PPP2R2D: variants seen among roughly 807,000 people sequenced by gnomAD.
The protein encoded by PPP2R2D is serine/threonine-protein phosphatase 2A 55 kDa regulatory subunit B delta isoform.
In PPP2R2D, 9 loss-of-function variants were observed where a neutral mutation model predicts 31.1. The observed-to-expected ratio is 0.29, with a 90% confidence interval of 0.17 to 0.51. PPP2R2D has a LOEUF of 0.51. Ranked by LOEUF, PPP2R2D falls within the 20% of genes least tolerant of loss-of-function variation. The pLI is 0.98. For synonymous variants in PPP2R2D, 179 were observed against 172.6 expected, an observed-to-expected ratio of 1.04 and a Z score of -0.29; for missense variants, 391 against 465.6, an observed-to-expected ratio of 0.84 and a Z score of 1.48.
At chr10:131,903,326 G>A (rs2035531461) in intron 2 of PPP2R2D, among the ~76,000 whole-genome samples, 1 of 152,026 alleles carries the variant, frequency 6.6e-6, no homozygotes, top group Non-Finnish European at 1.5e-5. Context: ...AGTTAGCCGG[G>A]CGTGGTGGCA....
At chr10:131,929,893 C>A (rs1332400404) in intron 2 of PPP2R2D, among the ~76,000 whole-genome samples, 1 of 152,194 alleles carries the variant, frequency 6.6e-6, no homozygotes, top group African/African-American at 2.4e-5. Context: ...TCCTCTCTTG[C>A]CACCTGAGGC....
rs1481244075 is a variant in PPP2R2D at position 131,956,383 on chromosome 10, C to T, written c.*420C>T. On this transcript the variant is annotated 3_prime_UTR_variant, in exon 9 of 9. Coordinates refer to ENST00000455566, the MANE Select transcript of PPP2R2D (RefSeq NM_018461.5). Reference sequence around the variant, plus strand: ...CTTCACTGCAGCGTGGTGTGGCCACCGTCCGTGTCCTCTCGGCCTTCCTCC... The same window carrying T: ...CTTCACTGCAGCGTGGTGTGGCCACTGTCCGTGTCCTCTCGGCCTTCCTCC... The T allele has an allele frequency of 8.1e-6, 8 of 986,472 alleles. No individual in the cohort carries two copies. Among genetic ancestry groups the T allele is most frequent in the East Asian group, 1.1e-4 (1 of 8,844 alleles). The allele number at this position is 986,472 out of a possible 1,614,324, so 61.1% of individuals were successfully genotyped here.
chr10:131,951,706 A>G (rs1204628916), intron 8 of PPP2R2D, among the ~76,000 whole-genome samples: 6 of 152,000 alleles, frequency 3.9e-5, no homozygotes, highest in African/African-American at 1.4e-4. Flanking sequence ...CTTTAATCCC[A>G]CCACTCAGGA....
chr10:131,935,456 TG>T (rs2036320863), intron 3 of PPP2R2D, among the ~76,000 whole-genome samples: 2 of 152,296 alleles, frequency 1.3e-5, no homozygotes, highest in Non-Finnish European at 2.9e-5. Context: ...TTCCCCTCTC[TG>T]CAGATCTGTA....
chr10:131,907,659 C>T (rs1318538533), intron 2 of PPP2R2D, among the ~76,000 whole-genome samples: 1 of 151,616 alleles, frequency 6.6e-6, no homozygotes, highest in African/African-American at 2.4e-5. Context: ...AGGAGAATGG[C>T]ATGAACCCAG....
intron 2 of PPP2R2D, among the ~76,000 whole-genome samples, chr10:131,922,961 A>C (rs1209574571): frequency 6.6e-6 from 1 of 152,102 alleles, no homozygotes; most frequent in Non-Finnish European, 1.5e-5. Context: ...CCTTTTAGTG[A>C]CTTGATCCAT....
chr10:131,913,231 A>G (rs1251174720), intron 2 of PPP2R2D, among the ~76,000 whole-genome samples: 3 of 142,708 alleles, frequency 2.1e-5, no homozygotes, highest in Middle Eastern at 7.4e-3. Flanking sequence ...GGGTTTCACC[A>G]TGTTGGCCAG....
rs2035492724 is a variant in PPP2R2D at position 131,901,434 on chromosome 10, G to T, written c.100+104G>T. 6 of 331,050 alleles carry T rather than the reference G, an allele frequency of 1.8e-5. No individual in the cohort carries two copies. The Admixed American group carries it at 2.0e-4, about 11-fold the overall frequency. 20.5% of individuals were successfully genotyped at this position (331,050 alleles called of 1,614,324 possible). ...AGCGTCCGTGGAAGGCAGGCAGGAG[G>T]ATGGGGGCCGGGCGGGGCAGGGGCC... is the stretch of plus-strand genomic sequence containing the variant. On this transcript the variant is annotated intron_variant, in intron 2 of 8. Coordinates refer to ENST00000455566, the MANE Select transcript of PPP2R2D (RefSeq NM_018461.5).
At chr10:131,920,137 A>AAT (rs2035948112) in intron 2 of PPP2R2D, among the ~76,000 whole-genome samples, 1 of 19,070 alleles carries the variant, frequency 5.2e-5, no homozygotes, top group Non-Finnish European at 8.9e-5. Context: ...GGAATTACAC[A>AAT]GTGTAGGGAC....
chr10:131,968,731 A>G, the PPP2R2D span: 1 of 566,488 alleles, frequency 1.8e-6, no homozygotes, highest in Admixed American at 3.0e-5. Context: ...GTGATCTTTT[A>G]TCTAGTGTTT....
chr10:131,917,859 TCA>T (rs1168924008), intron 2 of PPP2R2D, among the ~76,000 whole-genome samples: 3 of 116,098 alleles, frequency 2.6e-5, no homozygotes, highest in Non-Finnish European at 5.4e-5. Context: ...TGTAGGGACC[TCA>T]CACGGGTGGA....
At chr10:131,930,287 G>T (rs1554895506) in intron 2 of PPP2R2D, among the ~76,000 whole-genome samples, 2 of 151,978 alleles carry the variant, frequency 1.3e-5, no homozygotes, top group African/African-American at 2.4e-5. Context: ...TCAGCTCTCA[G>T]CTCTTCTTGT....
chr10:131,901,720 C>T (rs920953894), intron 2 of PPP2R2D, among the ~76,000 whole-genome samples: 3 of 152,154 alleles, frequency 2.0e-5, no homozygotes, highest in Non-Finnish European at 4.4e-5. Context: ...CCATATCGTG[C>T]GCTCGGGCAG....
At chr10:131,914,606 G>A (rs563979434) in intron 2 of PPP2R2D, among the ~76,000 whole-genome samples, 18 of 152,258 alleles carry the variant, frequency 1.2e-4, no homozygotes, top group African/African-American at 4.3e-4. Context: ...GTAGTGAGGC[G>A]GTTACATGTG....
rs560814549 is a variant in PPP2R2D at position 131,928,785 on chromosome 10, A to G, written c.101-5673A>G. ...GGTTTTCAAAAACTATTAAGTTAGG[A>G]AAAGTCTCAGGATATGAGCCATGCA... is the stretch of plus-strand genomic sequence containing the variant. On this transcript the variant is annotated intron_variant, in intron 2 of 8. Transcript: ENST00000455566. Among the ~76,000 whole-genome samples the G allele has an allele frequency of 3.3e-5, 5 of 152,326 alleles. No homozygotes were observed. The South Asian group carries it at 1.0e-3, about 32-fold the overall frequency.
At chr10:131,917,706 G>C (rs1255936644) in intron 2 of PPP2R2D, among the ~76,000 whole-genome samples, 1 of 127,078 alleles carries the variant, frequency 7.9e-6, no homozygotes, top group Admixed American at 8.1e-5. Flanking sequence ...CAGGCGGGTG[G>C]AATGACACAG....
At chr10:131,966,141 G>A in the PPP2R2D span, among the ~76,000 whole-genome samples, 4 of 152,144 alleles carry the variant, frequency 2.6e-5, no homozygotes, top group South Asian at 2.1e-4. Context: ...AGGTGTTGCC[G>A]ACTCCTCTCT....
At chr10:131,961,652 C>G (rs1161368608), downstream of PPP2R2D, among the ~76,000 whole-genome samples, 1 of 152,190 alleles carries the variant, frequency 6.6e-6, no homozygotes, top group African/African-American at 2.4e-5. Context: ...AACTGCGGCA[C>G]CCCCGAAGCT....
At chr10:131,916,504 A>G (rs1242921218) in intron 2 of PPP2R2D, among the ~76,000 whole-genome samples, 2 of 152,178 alleles carry the variant, frequency 1.3e-5, no homozygotes, top group Admixed American at 1.3e-4. Context: ...CCTCATTACC[A>G]ACACAACTTT....
Sources: gnomAD v4.1 joint callset for allele counts (sites outside exome capture counted in the v4.1 genomes callset) on GRCh38, gnomAD v4.1.1 for gene constraint, MANE v1.5 for transcripts, NCBI Gene and HGNC (gene_info 2026-07-23, HGNC 2026-07-21) for gene names.